Variants in TEX9 observed in about 807,000 individuals in gnomAD.
TEX9 encodes testis expressed 9.
In TEX9, 74 loss-of-function variants were observed where a neutral mutation model predicts 59.6. The ratio of observed to expected loss-of-function variants is 1.24; its 90% CI spans 1.03 to 1.51. The LOEUF is 1.51. Ranked by LOEUF, TEX9 falls within the 40% of genes most tolerant of loss-of-function variation. The pLI is 0.00. For synonymous variants in TEX9, 186 were observed against 152.2 expected (o/e 1.22, Z -1.64); for missense variants, 522 against 447.8 (o/e 1.17, Z -1.49).
At chr15:56,326,595 C>T (rs1223185850) in intron 1 of TEX9, among the ~76,000 whole-genome samples, 4 of 151,944 alleles carry the variant, frequency 2.6e-5, no homozygotes, top group Non-Finnish European at 5.9e-5. Context: ...TTTGGAAATG[C>T]AGAACAATTC....
At chr15:56,269,879 A>T (rs2044484075) in intron 1 of TEX9, among the ~76,000 whole-genome samples, 1 of 151,914 alleles carries the variant, frequency 6.6e-6, no homozygotes, top group African/African-American at 2.4e-5. Context: ...GATGGTCTCA[A>T]ACTCCTGACC....
At chr15:56,391,384 T>C (rs768456518) in exon 7 of TEX9, 2 of 1,561,128 alleles carry the variant, frequency 1.3e-6, no homozygotes, top group East Asian at 4.6e-5. Flanking sequence ...ATATAGATGA[T>C]ATTTTTTCTG....
intron 6 of TEX9, among the ~76,000 whole-genome samples, chr15:56,389,660 G>C (rs1596164360): frequency 6.6e-6 from 1 of 150,898 alleles, no homozygotes. Context: ...GTTATTTCTA[G>C]TGAGTTATTC....
intron 12 of TEX9, chr15:56,444,643 T>C (rs768565363): frequency 1.9e-6 from 3 of 1,611,304 alleles, no homozygotes; most frequent in Admixed American, 3.4e-5. Context: ...TGTTCTTCCA[T>C]CATGGTTTTG....
At chr15:56,317,637 T>A (rs1430041828) in intron 1 of TEX9, among the ~76,000 whole-genome samples, 7 of 152,334 alleles carry the variant, frequency 4.6e-5, no homozygotes, top group African/African-American at 1.7e-4. Flanking sequence ...CTATTTGAGA[T>A]CTTTTTTTAA....
At chr15:56,437,264 A>T (rs1050733999) in intron 12 of TEX9, among the ~76,000 whole-genome samples, 23 of 152,208 alleles carry the variant, frequency 1.5e-4, no homozygotes, top group African/African-American at 5.1e-4. Flanking sequence ...AAGCTTATCC[A>T]CCATGATCAA....
At chr15:56,266,931 C>T (rs1220575702) in intron 1 of TEX9, among the ~76,000 whole-genome samples, 1 of 152,196 alleles carries the variant, frequency 6.6e-6, no homozygotes, top group Admixed American at 6.5e-5. Context: ...AACTAGTTTA[C>T]AGTCCCACCA....
At chr15:56,358,587 C>A (rs189620146) in intron 1 of TEX9, among the ~76,000 whole-genome samples, 1 of 152,196 alleles carries the variant, frequency 6.6e-6, no homozygotes, top group East Asian at 1.9e-4. Context: ...ATTAGTAGAC[C>A]ATTACTGATA....
At chr15:56,444,699 T>C (rs1417039045) in intron 12 of TEX9, 1 of 1,575,876 alleles carries the variant, frequency 6.3e-7, no homozygotes, top group Admixed American at 1.7e-5. Flanking sequence ...AATTGATCTT[T>C]CCGTTTTCAA....
At chr15:56,365,336 G>A (rs1370894433), upstream of TEX9, 3 of 1,386,386 alleles carry the variant, frequency 2.2e-6, no homozygotes, top group African/African-American at 1.5e-5. Flanking sequence ...GCCGCTCGCA[G>A]CACAGAACCT....
chr15:56,406,150 A>AT (rs1245084826), intron 9 of TEX9, among the ~76,000 whole-genome samples: 3 of 152,092 alleles, frequency 2.0e-5, no homozygotes. Flanking sequence ...ACTGAGCTAT[A>AT]TTTTTTCACT....
chr15:56,445,580 A>G (rs1256661689), intron 12 of TEX9: 2 of 152,050 alleles, frequency 1.3e-5, no homozygotes, highest in Admixed American at 6.6e-5. Context: ...TGTACATGCT[A>G]TACTAAATTC....
At chr15:56,352,237 G>C (rs1474374939) in intron 1 of TEX9, among the ~76,000 whole-genome samples, 1 of 151,964 alleles carries the variant, frequency 6.6e-6, no homozygotes, top group Non-Finnish European at 1.5e-5. Context: ...GGCACAGCCA[G>C]AAGTTAATTG....
intron 10 of TEX9, among the ~76,000 whole-genome samples, chr15:56,422,633 T>C (rs543768569): frequency 6.6e-6 from 1 of 151,980 alleles, no homozygotes; most frequent in Middle Eastern, 3.4e-3. Context: ...AAACTCTACA[T>C]TGTTAATTTA....
upstream of TEX9, among the ~76,000 whole-genome samples, chr15:56,363,529 A>G (rs1242042156): frequency 6.6e-6 from 1 of 151,344 alleles, no homozygotes; most frequent in Admixed American, 6.6e-5. Context: ...TTTTGGTTTT[A>G]ATTTTCATTT....
intron 3 of TEX9, among the ~76,000 whole-genome samples, chr15:56,381,287 A>G (rs1159271034): frequency 6.6e-6 from 1 of 152,180 alleles, no homozygotes; most frequent in African/African-American, 2.4e-5. Context: ...TTTATCTGAT[A>G]GAATTTTGAA....
chr15:56,285,723 T>G lies in TEX9; in HGVS notation c.-107+41445T>G, dbSNP rs139973364. Among the ~76,000 whole-genome samples, 6 of 152,364 alleles carry G rather than the reference T, an allele frequency of 3.9e-5. No homozygotes were observed. In the East Asian group the frequency reaches 1.2e-3, roughly 29 times the overall value. The stretch of plus-strand genomic sequence containing the variant: ...TATGTTTTCAGTATGAGCATTAGTT[T>G]AAATAATTTGCCTGCCATGGCACAA... On this transcript the variant is annotated intron_variant, in intron 1 of 5. Transcript: ENST00000560827.
intron 2 of TEX9, among the ~76,000 whole-genome samples, chr15:56,366,329 C>T (rs1179371441): frequency 6.6e-6 from 1 of 152,172 alleles, no homozygotes; most frequent in Non-Finnish European, 1.5e-5. Context: ...CTCCTGCCTC[C>T]TCTATTTGAT....
In TEX9 at chr15:56,296,057, C is replaced by T. The variant is rs117192943; in HGVS notation, c.-107+51779C>T. On this transcript the variant is annotated intron_variant, in intron 1 of 5. Coordinates refer to the TEX9 transcript ENST00000560827. The stretch of plus-strand genomic sequence containing the variant: ...GGTGAATTTGCCATTTGAATACTAG[C>T]TTGCTACCCTGTGACCCAATCCTAT... Among the ~76,000 whole-genome samples the T allele has an allele frequency of 9.9e-4, 151 of 152,308 alleles. 2 individuals carry two copies. In the East Asian group the frequency reaches 0.026, roughly 27 times the overall value.
Sources: allele counts gnomAD v4.1 joint callset (sites outside exome capture counted in the v4.1 genomes callset), GRCh38; gene constraint gnomAD v4.1.1; transcripts MANE v1.5; gene names NCBI Gene and HGNC (gene_info 2026-07-23, HGNC 2026-07-21).